Variants in WDR1 observed in about 807,000 individuals in gnomAD.
WDR1 encodes the protein WD repeat domain 1, also known as WD repeat-containing protein 1.
A neutral mutation model predicts 71.9 loss-of-function variants in WDR1; 21 were observed. The ratio of observed to expected loss-of-function variants is 0.29; its 90% CI spans 0.21 to 0.42. The LOEUF is 0.42. WDR1 is among the 10% of genes least tolerant of loss of function. The probability of loss-of-function intolerance (pLI) is 1.00; values close to 1 mark genes in which losing one functional copy is unlikely to be tolerated. For missense variants in WDR1, 696 were observed against 824.5 expected, an observed-to-expected ratio of 0.84 and a Z score of 1.91; for synonymous variants, 424 against 347.4, an observed-to-expected ratio of 1.22 and a Z score of -2.45.
intron 5 of WDR1, among the ~76,000 whole-genome samples, chr4:10,089,644 C>G (rs937465535): frequency 6.6e-6 from 1 of 152,230 alleles, no homozygotes; most frequent in East Asian, 1.9e-4. Flanking sequence ...CGGCGCTAAC[C>G]CGGCAAATGC....
chr4:10,077,531 C>A (rs551295155), intron 13 of WDR1, 83 bp from the exon 14 acceptor site: 16 of 1,589,458 alleles, frequency 1.0e-5, no homozygotes, highest in African/African-American at 8.0e-5. Flanking sequence ...TCCCTCATGG[C>A]GACAATAAGG....
chr4:10,098,608 G>A (rs1435519298), intron 4 of WDR1, among the ~76,000 whole-genome samples: 1 of 152,238 alleles, frequency 6.6e-6, no homozygotes. Flanking sequence ...GTGCCCAGCT[G>A]GAAGAAACAG....
intron 2 of WDR1, among the ~76,000 whole-genome samples, chr4:10,107,574 C>A (rs1270428887): frequency 6.6e-6 from 1 of 152,214 alleles, no homozygotes; most frequent in African/African-American, 2.4e-5. Context: ...CCCCTCACCC[C>A]AACCCTTGAG....
intron 2 of WDR1, among the ~76,000 whole-genome samples, chr4:10,111,118 A>G (rs1325024059): frequency 6.6e-6 from 1 of 151,530 alleles, no homozygotes; most frequent in Non-Finnish European, 1.5e-5. Flanking sequence ...ACTTCTCCTT[A>G]CCGTAGGCTG....
intron 8 of WDR1, among the ~76,000 whole-genome samples, chr4:10,086,075 G>A (rs1466783545): frequency 6.6e-6 from 1 of 152,198 alleles, no homozygotes; most frequent in African/African-American, 2.4e-5. Context: ...AGACCTGAGG[G>A]CTGACACCTG....
At chr4:10,083,998 G>A (rs531681311) in intron 9 of WDR1, among the ~76,000 whole-genome samples, 1 of 152,328 alleles carries the variant, frequency 6.6e-6, no homozygotes, top group South Asian at 2.1e-4. Context: ...CAGCTCTCTG[G>A]GCTCTGGTTT....
intron 2 of WDR1, among the ~76,000 whole-genome samples, chr4:10,107,635 A>G (rs1242809760): frequency 2.0e-5 from 3 of 152,066 alleles, no homozygotes; most frequent in Non-Finnish European, 4.4e-5. Flanking sequence ...CCCCTTCCCC[A>G]GTGGCCTCCA....
At chr4:10,107,096 G>A (rs1169856713) in intron 2 of WDR1, among the ~76,000 whole-genome samples, 2 of 152,196 alleles carry the variant, frequency 1.3e-5, no homozygotes, top group Non-Finnish European at 2.9e-5. Flanking sequence ...AATTCCAGGA[G>A]CCCCAGTGCT....
At chr4:10,079,381 G>A (rs551927369) in intron 11 of WDR1, among the ~76,000 whole-genome samples, 1 of 152,386 alleles carries the variant, frequency 6.6e-6, no homozygotes, top group South Asian at 2.1e-4. Flanking sequence ...ACGTGCCAGC[G>A]CTCTGCTGTG....
At chr4:10,115,234 A>G (rs1006302108) in intron 2 of WDR1, among the ~76,000 whole-genome samples, 3 of 152,230 alleles carry the variant, frequency 2.0e-5, no homozygotes, top group Non-Finnish European at 4.4e-5. Flanking sequence ...AGGCTGAGGA[A>G]GGGAAAAGCA....
intron 5 of WDR1, among the ~76,000 whole-genome samples, chr4:10,089,030 C>G (rs1282907681): frequency 1.3e-5 from 2 of 152,182 alleles, no homozygotes; most frequent in East Asian, 3.9e-4. Flanking sequence ...GAGGTGCCCC[C>G]AGCAGCTGCC....
intron 8 of WDR1, among the ~76,000 whole-genome samples, chr4:10,086,073 G>T (rs1399524215): frequency 2.0e-5 from 3 of 152,214 alleles, no homozygotes; most frequent in Non-Finnish European, 4.4e-5. Context: ...GCAGACCTGA[G>T]GGCTGACACC....
chr4:10,116,072 G>A, intron 2 of WDR1, 41 bp downstream of exon 2: 1 of 1,597,150 alleles, frequency 6.3e-7, no homozygotes, highest in Non-Finnish European at 8.5e-7. Flanking sequence ...ATCCCAAGGT[G>A]GCTCCGGAGC....
chr4:10,090,404 C>G (rs550094509), intron 5 of WDR1, among the ~76,000 whole-genome samples: 1 of 152,184 alleles, frequency 6.6e-6, no homozygotes, highest in Non-Finnish European at 1.5e-5. Flanking sequence ...CAAAGTCCGT[C>G]AGAGTCAGCA....
At chr4:10,079,426 C>T (rs1011576387) in intron 11 of WDR1, among the ~76,000 whole-genome samples, 1 of 152,244 alleles carries the variant, frequency 6.6e-6, no homozygotes, top group African/African-American at 2.4e-5. Flanking sequence ...GATCGGGTTC[C>T]CCGTTTCAGA....
At chr4:10,102,567 G>A (rs73212864) in intron 3 of WDR1, among the ~76,000 whole-genome samples, 25,031 of 152,056 alleles carry the variant, frequency 0.16, 2,541 homozygotes, top group Middle Eastern at 0.24. Context: ...GCTGTGCAAC[G>A]GCCCCTGCTG....
chr4:10,103,070 A>G (rs1056121758), intron 3 of WDR1, among the ~76,000 whole-genome samples: 1 of 152,170 alleles, frequency 6.6e-6, no homozygotes, highest in Non-Finnish European at 1.5e-5. Context: ...ATAAAAAAAC[A>G]TCCTTCAAGA....
Position 10,112,398 on chromosome 4 carries a change from C to T in WDR1, c.138+3715G>A, listed in dbSNP as rs984125603. On this transcript the variant is annotated intron_variant, in intron 2 of 14. Transcript: ENST00000499869. ...AGTGTACATATGGTTCACTGGAATC[C>T]CCTTCTTGGAGCTCTCTCCTTCTGG... is the stretch of plus-strand genomic sequence containing the variant. Among the ~76,000 whole-genome samples the T allele has an allele frequency of 5.3e-5, 8 of 152,134 alleles. No individual in the cohort carries two copies. The South Asian group carries it at 1.2e-3, about 24-fold the overall frequency.
intron 2 of WDR1, among the ~76,000 whole-genome samples, chr4:10,112,142 G>A (rs777267040): frequency 1.3e-5 from 2 of 151,700 alleles, no homozygotes; most frequent in Non-Finnish European, 2.9e-5. Flanking sequence ...GGATGGTCCC[G>A]TGCCCTGTTT....
Sources: allele counts gnomAD v4.1 joint callset (sites outside exome capture counted in the v4.1 genomes callset), GRCh38; gene constraint gnomAD v4.1.1; transcripts MANE v1.5; gene names NCBI Gene and HGNC (gene_info 2026-07-23, HGNC 2026-07-21).